The following FARP2 variants were observed in gnomAD, a reference collection of about 807,000 sequenced individuals.
The protein encoded by FARP2 is FERM, ARH/RhoGEF and pleckstrin domain protein 2.
FARP2 carries 111 observed loss-of-function variants against 130.5 expected under a neutral mutation model. The observed-to-expected ratio is 0.85, with a 90% CI of 0.73 to 1.00. The LOEUF is 1.00. Among genes scored for constraint, FARP2 ranks in the 50% least tolerant of loss-of-function variants. The pLI is 0.00. For synonymous variants in FARP2, 504 were observed against 516.9 expected (o/e 0.98, Z 0.34); for missense variants, 1,385 against 1,346.3 (o/e 1.03, Z -0.45).
intron 13 of FARP2, among the ~76,000 whole-genome samples, chr2:241,453,563 A>G (rs1345593522): frequency 6.6e-6 from 1 of 151,616 alleles, no homozygotes; most frequent in Non-Finnish European, 1.5e-5. Flanking sequence ...CGGAGCTTGC[A>G]GTGAGCCGAG....
At chr2:241,383,271 G>A (rs911475272) in intron 2 of FARP2, among the ~76,000 whole-genome samples, 5 of 152,198 alleles carry the variant, frequency 3.3e-5, no homozygotes, top group Non-Finnish European at 5.9e-5. Context: ...GGTATACTGC[G>A]AAGTGCTTAG....
chr2:241,444,695 G>T (rs1387213123), intron 13 of FARP2: 1 of 152,030 alleles, frequency 6.6e-6, no homozygotes, highest in Non-Finnish European at 1.5e-5. Context: ...TTTTGTTCTT[G>T]GGCATCTTCT....
intron 16 of FARP2, 68 bp from the exon 17 acceptor site, chr2:241,463,831 G>A (rs909200610): frequency 7.4e-7 from 1 of 1,355,976 alleles, no homozygotes; most frequent in Non-Finnish European, 1.0e-6. Context: ...CTGTCACCCT[G>A]CGTCAGATTA....
In FARP2 at chr2:241,462,598, G is replaced by C. The variant is rs1370662504; in HGVS notation, c.1663G>C (p.Glu555Gln). The C allele has an allele frequency of 6.2e-7, 1 of 1,610,396 alleles. No homozygotes were observed. The highest frequency in any genetic ancestry group is 8.5e-7 in the Non-Finnish European group (1 of 1,176,732). Residue 555 changes from glutamate (E) to glutamine (Q), a missense_variant, in exon 15 of 27, where the codon GAA (glutamate) becomes CAA (glutamine). Coordinates refer to ENST00000264042, the MANE Select transcript of FARP2 (RefSeq NM_014808.4). ...ATERTYLKDL[E>Q]VITVWFRSAV... The stretch of plus-strand genomic sequence containing the variant: ...AGAACGAACATACCTCAAGGATTTA[G>C]AAGTTATTACCGTGGTACGAAAGTC...
Position 241,433,435 on chromosome 2 carries a change from A to G in FARP2, c.868-723A>G, listed in dbSNP as rs370053641. 9.8e-5 allele frequency among the ~76,000 whole-genome samples: 15 copies of G among 152,360 alleles called. No homozygotes were observed. In the East Asian group the frequency reaches 2.3e-3, roughly 23 times the overall value. ...AACTGAGAGTGAATGCAGTTCCTTC[A>G]GGGCAATATTTGTAGGCCTGAAAAC... On this transcript the variant is annotated intron_variant, in intron 9 of 26. Transcript: ENST00000264042.
At chr2:241,358,148 C>T (rs1464743858) in intron 1 of FARP2, among the ~76,000 whole-genome samples, 3 of 152,122 alleles carry the variant, frequency 2.0e-5, no homozygotes, top group Admixed American at 2.0e-4. Flanking sequence ...AAGATTGTGC[C>T]ACTGCACTTC....
rs1016959459 is a variant in FARP2 at position 241,459,938 on chromosome 2, T to C, written c.1588-2585T>C. On this transcript the variant is annotated intron_variant, in intron 14 of 26. Transcript: ENST00000264042. This position sits in a 1 kb window ranked among gnomAD's most constrained non-coding sequence, Gnocchi z 5.3. ...TGAGAAGTCTCATCAGCGACTGCTG[T>C]GGCTCTCTGATGGCGTATGTGTCTC... 1.3e-5 allele frequency among the ~76,000 whole-genome samples: 2 copies of C among 152,190 alleles called. No individual in the cohort carries two copies. Among genetic ancestry groups the C allele is most frequent in the African/African-American group, 2.4e-5 (1 of 41,444 alleles).
chr2:241,480,827 T>C (rs1004773394), intron 19 of FARP2, among the ~76,000 whole-genome samples: 1 of 152,058 alleles, frequency 6.6e-6, no homozygotes, highest in African/African-American at 2.4e-5. Flanking sequence ...AGTTTTTGTG[T>C]ATAGTGGAAG....
At chr2:241,462,476 G>A (rs1231540040) in intron 14 of FARP2, 47 bp from the exon 15 acceptor site, 1 of 1,371,182 alleles carries the variant, frequency 7.3e-7, no homozygotes, top group Admixed American at 1.7e-5. Context: ...GCGTGGGAGG[G>A]TCCCATGTCC....
chr2:241,471,441 C>T (rs1313230128), intron 18 of FARP2: 2 of 146,494 alleles, frequency 1.4e-5, no homozygotes, highest in African/African-American at 5.1e-5. Flanking sequence ...CTGTGAGGAC[C>T]GTGTTCTGTG....
intron 2 of FARP2, among the ~76,000 whole-genome samples, chr2:241,380,406 T>TC (rs1368273234): frequency 6.6e-6 from 1 of 152,078 alleles, no homozygotes; most frequent in African/African-American, 2.4e-5. Context: ...CCATTTTTGA[T>TC]CAGGAGAGAA....
At chr2:241,485,872 T>TCCTCCCCCAGTGGGGTCCTC (rs2064741078) in intron 21 of FARP2, among the ~76,000 whole-genome samples, 1 of 148,680 alleles carries the variant, frequency 6.7e-6, no homozygotes, top group Non-Finnish European at 1.5e-5. Flanking sequence ...CTGGAGTCCT[T>TCCTCCCCCAGTGGGGTCCTC]CCTCCCCCAG....
chr2:241,436,569 G>T, intron 12 of FARP2, 31 bp downstream of exon 12: 1 of 1,585,792 alleles, frequency 6.3e-7, no homozygotes, highest in Non-Finnish European at 8.7e-7. Flanking sequence ...CATGGGGGCA[G>T]TAGGAGTTCC....
chr2:241,453,772 T>G (rs1221654304), intron 13 of FARP2, among the ~76,000 whole-genome samples: 3 of 11,504 alleles, frequency 2.6e-4, no homozygotes, highest in South Asian at 2.1e-3. Flanking sequence ...CTTACTGGTT[T>G]TTTTTTTTTT....
At chr2:241,414,908 G>A (rs1168335093) in intron 7 of FARP2, among the ~76,000 whole-genome samples, 2 of 152,186 alleles carry the variant, frequency 1.3e-5, no homozygotes, top group East Asian at 1.9e-4. Flanking sequence ...AGAGAGGAGA[G>A]GGAGGTTCCA....
intron 13 of FARP2, chr2:241,442,274 G>A (rs940132829): frequency 1.8e-4 from 84 of 456,576 alleles, no homozygotes; most frequent in Admixed American, 1.8e-3. Flanking sequence ...TACTCAGTCC[G>A]CTCTGAGTCC....
At chr2:241,490,403 C>T (rs1364907939) in intron 22 of FARP2, among the ~76,000 whole-genome samples, 1 of 152,098 alleles carries the variant, frequency 6.6e-6, no homozygotes, top group South Asian at 2.1e-4. Context: ...TCAAGAAGTG[C>T]CAGCAGCTAG....
At chr2:241,380,692 A>G (rs2061640483) in intron 2 of FARP2, among the ~76,000 whole-genome samples, 1 of 99,148 alleles carries the variant, frequency 1.0e-5, no homozygotes, top group African/African-American at 3.3e-5. Flanking sequence ...TAATAATAAT[A>G]TATTATATTA....
chr2:241,415,929 G>T (rs2062651890), intron 7 of FARP2, among the ~76,000 whole-genome samples: 1 of 151,558 alleles, frequency 6.6e-6, no homozygotes, highest in African/African-American at 2.4e-5. Flanking sequence ...AACATCTTTG[G>T]GCACTTATGT....
Sources: allele counts gnomAD v4.1 joint callset (sites outside exome capture counted in the v4.1 genomes callset), GRCh38; gene constraint gnomAD v4.1.1; non-coding constraint Gnocchi (gnomAD v3.1); transcripts MANE v1.5; gene names NCBI Gene and HGNC (gene_info 2026-07-23, HGNC 2026-07-21).